EHBP1: variants seen among roughly 807,000 people sequenced by gnomAD.
EHBP1 encodes the protein EH domain binding protein 1.
In EHBP1, 55 loss-of-function variants were observed where a neutral mutation model predicts 144.0. That is an observed-to-expected ratio of 0.38 (90% CI 0.31 to 0.48). EHBP1 has a LOEUF of 0.48. EHBP1 is among the 20% of genes least tolerant of loss of function. The pLI is 0.98. For missense variants in EHBP1, 1,200 were observed against 1,364.2 expected, an observed-to-expected ratio of 0.88 and a Z score of 1.90; for synonymous variants, 469 against 472.7, an observed-to-expected ratio of 0.99 and a Z score of 0.10.
At chr2:62,720,327 A>G (rs2036104627) in intron 2 of EHBP1, among the ~76,000 whole-genome samples, 1 of 152,124 alleles carries the variant, frequency 6.6e-6, no homozygotes, top group Non-Finnish European at 1.5e-5. Flanking sequence ...CTTTGCCTAT[A>G]TTACTGCCAT....
At chr2:62,849,571 A>G (rs561714241) in intron 7 of EHBP1, among the ~76,000 whole-genome samples, 24 of 152,370 alleles carry the variant, frequency 1.6e-4, no homozygotes, top group African/African-American at 5.5e-4. Flanking sequence ...CATTATAGAT[A>G]CATGCATACA....
chr2:62,727,658 A>G (rs1390423859), intron 2 of EHBP1, among the ~76,000 whole-genome samples: 6 of 152,152 alleles, frequency 3.9e-5, no homozygotes, highest in Non-Finnish European at 8.8e-5. Context: ...TTGCTGAATA[A>G]TCTATTATAT....
chr2:63,002,517 G>A (rs1488274774), intron 19 of EHBP1, among the ~76,000 whole-genome samples: 1 of 152,046 alleles, frequency 6.6e-6, no homozygotes, highest in Non-Finnish European at 1.5e-5. Context: ...TGCTGGTTCA[G>A]TCAATGTCAC....
intron 1 of EHBP1, among the ~76,000 whole-genome samples, chr2:62,680,664 C>A (rs2151727563): frequency 6.6e-6 from 1 of 152,062 alleles, no homozygotes; most frequent in African/African-American, 2.4e-5. Flanking sequence ...AATATGGGTT[C>A]TTCTAGGAGT....
chr2:62,839,761 C>A (rs2047638864), intron 7 of EHBP1, among the ~76,000 whole-genome samples: 1 of 152,070 alleles, frequency 6.6e-6, no homozygotes, highest in East Asian at 1.9e-4. Flanking sequence ...GAATAAAATA[C>A]CTAGGAATCC....
At chr2:62,951,048 A>G (rs535750173) in intron 13 of EHBP1, among the ~76,000 whole-genome samples, 26 of 152,338 alleles carry the variant, frequency 1.7e-4, no homozygotes, top group African/African-American at 5.1e-4. Context: ...AAGTCAGTAT[A>G]CTGATTGATA....
chr2:62,720,406 C>G (rs546289308), intron 2 of EHBP1, among the ~76,000 whole-genome samples: 1 of 152,246 alleles, frequency 6.6e-6, no homozygotes, highest in South Asian at 2.1e-4. Flanking sequence ...TTCTTCCAAC[C>G]ATTTCCCTTA....
chr2:63,045,568 C>T lies in EHBP1; in HGVS notation c.*68C>T, dbSNP rs1167346052. ...GCTTCCCAAACCAGAAAAAGTCAGA[C>T]TCATTGTTGATTTAAAACTTTTAAC... On this transcript the variant is annotated 3_prime_UTR_variant, in exon 23 of 23. Coordinates refer to ENST00000431489, the MANE Select transcript of EHBP1 (RefSeq NM_001142616.3). This position sits in a 1 kb window ranked among gnomAD's most constrained non-coding sequence, Gnocchi z 5.7. 1 of 1,310,120 alleles carries T rather than the reference C, an allele frequency of 7.6e-7. No individual in the cohort carries two copies. The highest frequency in any genetic ancestry group is 2.5e-5 in the East Asian group (1 of 40,654). The allele number at this position is 1,310,120 out of a possible 1,614,324, so 81.2% of individuals were successfully genotyped here. A position where few individuals can be genotyped will look rare whatever the true frequency, so the allele number is the denominator to read the frequency against.
intron 10 of EHBP1, among the ~76,000 whole-genome samples, chr2:62,933,916 T>G (rs1291124289): frequency 6.6e-6 from 1 of 152,254 alleles, no homozygotes; most frequent in East Asian, 1.9e-4. Flanking sequence ...GTATTTCTTT[T>G]GTGCGTGTGT....
chr2:62,789,625 A>T (rs1342175229), intron 5 of EHBP1, among the ~76,000 whole-genome samples: 1 of 152,218 alleles, frequency 6.6e-6, no homozygotes. Context: ...TCAAGATTTC[A>T]GTAACCTTTT....
intron 2 of EHBP1, among the ~76,000 whole-genome samples, chr2:62,743,633 A>C (rs929221270): frequency 2.6e-5 from 4 of 152,110 alleles, no homozygotes; most frequent in Admixed American, 2.6e-4. Context: ...CATGGCTTTT[A>C]AAGTTTCACC....
At chr2:62,748,502 CA>C (rs1163406475) in intron 3 of EHBP1, among the ~76,000 whole-genome samples, 1 of 151,718 alleles carries the variant, frequency 6.6e-6, no homozygotes, top group East Asian at 1.9e-4. Context: ...AAAACAAAAA[CA>C]AAAACAAAAT....
In EHBP1 at chr2:62,993,430, A is replaced by G. The variant is rs2059492202; in HGVS notation, c.2734-100A>G. 13 of 1,119,742 alleles carry G rather than the reference A, an allele frequency of 1.2e-5. No individual in the cohort carries two copies. The South Asian group carries it at 3.5e-4, about 30-fold the overall frequency. 69.4% of individuals were successfully genotyped at this position (1,119,742 alleles called of 1,614,324 possible). On this transcript the variant is annotated intron_variant, in intron 16 of 22. Coordinates refer to ENST00000431489, the MANE Select transcript of EHBP1 (RefSeq NM_001142616.3). Reference sequence around the variant, plus strand: ...AATCCTTTTCTTGCAAAAAGTTTCTAAATCAGTGTTATCTTAAATCAGTAA... The same window carrying G: ...AATCCTTTTCTTGCAAAAAGTTTCTGAATCAGTGTTATCTTAAATCAGTAA...
At chr2:62,903,715 A>C (rs2053583349) in intron 10 of EHBP1, among the ~76,000 whole-genome samples, 1 of 152,104 alleles carries the variant, frequency 6.6e-6, no homozygotes, top group South Asian at 2.1e-4. Flanking sequence ...GCAGTGAACC[A>C]TGTTTGCACC....
intron 15 of EHBP1, among the ~76,000 whole-genome samples, chr2:62,989,210 A>T (rs1009990401): frequency 2.0e-5 from 3 of 152,008 alleles, no homozygotes; most frequent in Admixed American, 2.0e-4. Context: ...TTTTTTTTTA[A>T]AAAAACATTT....
chr2:62,996,839 G>A (rs2059648494), intron 19 of EHBP1, 73 bp downstream of exon 19: 2 of 1,565,176 alleles, frequency 1.3e-6, no homozygotes, highest in African/African-American at 2.8e-5. Flanking sequence ...AGTTTTGGAA[G>A]TGTGAATCTT....
At chr2:62,792,549 C>T (rs1454383367) in intron 5 of EHBP1, among the ~76,000 whole-genome samples, 1 of 152,002 alleles carries the variant, frequency 6.6e-6, no homozygotes, top group Non-Finnish European at 1.5e-5. Context: ...TAAACGAACT[C>T]ATCACTTATT....
Position 62,707,098 on chromosome 2 carries a change from C to T in EHBP1, c.-94C>T. 1 of 912,150 alleles carries T rather than the reference C, an allele frequency of 1.1e-6. No homozygotes were observed. The highest frequency in any genetic ancestry group is 1.8e-6 in the Non-Finnish European group (1 of 556,002). 56.5% of individuals were successfully genotyped at this position (912,150 alleles called of 1,614,324 possible). A position where few individuals can be genotyped will look rare whatever the true frequency, so the allele number is the denominator to read the frequency against. On this transcript the variant is annotated 5_prime_UTR_variant, in exon 2 of 23. Transcript: ENST00000431489. Reference sequence around the variant, plus strand: ...GAGTTGTAGTTGAGTTTTTAAAAGACATACATGCAAAGTTCCTTTGCTTTG... The same window carrying T: ...GAGTTGTAGTTGAGTTTTTAAAAGATATACATGCAAAGTTCCTTTGCTTTG...
rs2057178797 is a variant in EHBP1 at position 62,948,248 on chromosome 2, CT to C, written c.1414-10del. Reference sequence around the variant, plus strand: ...CTGTTCAATATATCTTTTGTTTTTCCTTCCTTTGAAGGCATACGATGGATTT... The same window carrying C: ...CTGTTCAATATATCTTTTGTTTTTCCTCCTTTGAAGGCATACGATGGATTT... On this transcript the variant is annotated splice_polypyrimidine_tract_variant and intron_variant, in intron 12 of 22. Transcript: ENST00000431489. The C allele has an allele frequency of 6.6e-7, 1 of 1,522,050 alleles. No individual in the cohort carries two copies. The highest frequency in any genetic ancestry group is 1.4e-5 in the African/African-American group (1 of 71,632). 94.3% of individuals were successfully genotyped at this position (1,522,050 alleles called of 1,614,324 possible).
Sources: allele counts gnomAD v4.1 joint callset (sites outside exome capture counted in the v4.1 genomes callset), GRCh38; gene constraint gnomAD v4.1.1; non-coding constraint Gnocchi (gnomAD v3.1); transcripts MANE v1.5; gene names NCBI Gene and HGNC (gene_info 2026-07-23, HGNC 2026-07-21).